The following PATJ variants were observed in gnomAD, a reference collection of about 807,000 sequenced individuals.
The protein encoded by PATJ is PATJ crumbs cell polarity complex component, also known as inaD-like protein.
PATJ carries 190 observed loss-of-function variants against 224.9 expected under a neutral mutation model. The observed-to-expected ratio is 0.84, with a 90% confidence interval of 0.75 to 0.95. The LOEUF (loss-of-function observed/expected upper bound fraction) is 0.95. PATJ is among the 40% of genes least tolerant of loss of function. The pLI is 0.00. For synonymous variants in PATJ, 769 were observed against 820.3 expected (o/e 0.94, Z 1.07); for missense variants, 2,121 against 2,270.3 (o/e 0.93, Z 1.34).
chr1:61,780,423 C>T (rs1182911999), intron 7 of PATJ, among the ~76,000 whole-genome samples: 1 of 152,126 alleles, frequency 6.6e-6, no homozygotes, highest in East Asian at 1.9e-4. Context: ...CAAGATCACG[C>T]CACAGCACTG....
intron 1 of PATJ, among the ~76,000 whole-genome samples, chr1:61,759,129 G>A (rs927506708): frequency 6.6e-6 from 1 of 152,200 alleles, no homozygotes. Flanking sequence ...CCCCAAGCTT[G>A]TCCAACCCAG....
At chr1:61,824,580 C>T (rs1218715635) in intron 15 of PATJ, among the ~76,000 whole-genome samples, 2 of 151,830 alleles carry the variant, frequency 1.3e-5, no homozygotes, top group African/African-American at 4.8e-5. Flanking sequence ...TGTGCGCCAC[C>T]ATGCCCTGCT....
intron 34 of PATJ, among the ~76,000 whole-genome samples, chr1:62,110,476 C>T (rs1053683680): frequency 6.6e-6 from 1 of 152,210 alleles, no homozygotes; most frequent in African/African-American, 2.4e-5. Flanking sequence ...ATTGGCCTTT[C>T]ATGGTTTTAA....
chr1:62,011,222 T>C (rs1162581360), intron 28 of PATJ, among the ~76,000 whole-genome samples: 2 of 152,250 alleles, frequency 1.3e-5, no homozygotes, highest in African/African-American at 4.8e-5. Flanking sequence ...CTTGGCTAAC[T>C]GGTGCAACAG....
In PATJ at chr1:62,144,769, A is replaced by ATATATATATATATATATATATATATATAT. The variant is rs1180544696; in HGVS notation, c.5272-3515_5272-3514insTATATATATATATATATATATATATATAT. On this transcript the variant is annotated intron_variant, in intron 41 of 43. Transcript: ENST00000642238. ...AAATGCTCTAGAATGTTATTTGCAAAAAAAAAAAATATATATATATATATA... is the reference window on the plus strand; with the variant it reads ...AAATGCTCTAGAATGTTATTTGCAAATATATATATATATATATATATATATATATAAAAAAAAATATATATATATATATA... Among the ~76,000 whole-genome samples, 27 of 58,694 alleles carry ATATATATATATATATATATATATATATAT rather than the reference A, an allele frequency of 4.6e-4. 2 individuals are homozygous for ATATATATATATATATATATATATATATAT. Among genetic ancestry groups the ATATATATATATATATATATATATATATAT allele is most frequent in the African/African-American group, 1.6e-3 (25 of 15,272 alleles). The allele number at this position is 58,694 out of a possible 152,430, so 38.5% of individuals were successfully genotyped here.
At chr1:61,850,853 G>A (rs1209598018) in intron 17 of PATJ, among the ~76,000 whole-genome samples, 1 of 152,196 alleles carries the variant, frequency 6.6e-6, no homozygotes, top group Non-Finnish European at 1.5e-5. Flanking sequence ...AAATAAATAA[G>A]ATTCTGAGAA....
At chr1:62,147,413 A>G (rs1365444941) in intron 41 of PATJ, among the ~76,000 whole-genome samples, 1 of 152,178 alleles carries the variant, frequency 6.6e-6, no homozygotes, top group Non-Finnish European at 1.5e-5. Flanking sequence ...TAATCCCAAC[A>G]CTTTGGGATA....
chr1:62,152,223 T>A (rs1668700448), intron 42 of PATJ, among the ~76,000 whole-genome samples: 1 of 152,122 alleles, frequency 6.6e-6, no homozygotes, highest in Non-Finnish European at 1.5e-5. Context: ...AAATGGAAAT[T>A]TGGACTCAAT....
At chr1:62,085,668 A>G (rs1412935699) in intron 33 of PATJ, among the ~76,000 whole-genome samples, 2 of 151,858 alleles carry the variant, frequency 1.3e-5, no homozygotes, top group African/African-American at 4.8e-5. Flanking sequence ...ATTTTTTTTA[A>G]ATTAGCAAGG....
At chr1:62,051,648 G>T (rs1303649385) in intron 31 of PATJ, among the ~76,000 whole-genome samples, 1 of 151,980 alleles carries the variant, frequency 6.6e-6, no homozygotes. Context: ...CTTTATATCT[G>T]GTTTAATATT....
chr1:62,161,325 CGATTTCTT>C lies in PATJ; in HGVS notation c.*272_*279del. ...TGTTTTGCATTTAATTTCAGTGTTC[CGATTTCTT>C]TTTTTTTTTTTTTTTTTTTTTTTGA... is the stretch of plus-strand genomic sequence containing the variant. On this transcript the variant is annotated 3_prime_UTR_variant, in exon 44 of 44. Transcript: ENST00000642238. 1 of 251,412 alleles carries C rather than the reference CGATTTCTT, an allele frequency of 4.0e-6. No homozygotes were observed. The highest frequency in any genetic ancestry group is 7.2e-6 in the Non-Finnish European group (1 of 139,674). The allele number at this position is 251,412 out of a possible 1,614,324, so 15.6% of individuals were successfully genotyped here. A position where few individuals can be genotyped will look rare whatever the true frequency, so the allele number is the denominator to read the frequency against.
At chr1:61,761,816 G>A (rs1439506872) in intron 1 of PATJ, among the ~76,000 whole-genome samples, 1 of 152,056 alleles carries the variant, frequency 6.6e-6, no homozygotes, top group Non-Finnish European at 1.5e-5. Context: ...CTCCTGAGCA[G>A]CTGGGACTAT....
At position 62,099,422 on chromosome 1, in the gene PATJ, G is replaced by A. The variant is rs148562181; in HGVS notation, c.4378-9015G>A. 9.6e-4 allele frequency among the ~76,000 whole-genome samples: 117 copies of A among 121,306 alleles called. 5 individuals are homozygous for A. In the East Asian group the frequency reaches 0.023, roughly 24 times the overall value. 79.6% of individuals were successfully genotyped at this position (121,306 alleles called of 152,430 possible). A position where few individuals can be genotyped will look rare whatever the true frequency, so the allele number is the denominator to read the frequency against. The stretch of plus-strand genomic sequence containing the variant: ...TGTTAGGAGGGACTTTTCCCCTAAT[G>A]CAGGGTAATAAGACATAACACTCTT... On this transcript the variant is annotated intron_variant, in intron 33 of 43. Transcript: ENST00000642238.
At chr1:62,005,024 T>C (rs1425319569) in intron 28 of PATJ, among the ~76,000 whole-genome samples, 1 of 152,248 alleles carries the variant, frequency 6.6e-6, no homozygotes, top group Non-Finnish European at 1.5e-5. Flanking sequence ...CAGTTTTCCA[T>C]TTATTGATAT....
intron 41 of PATJ, among the ~76,000 whole-genome samples, chr1:62,147,520 T>TGG (rs771621287): frequency 6.6e-6 from 1 of 152,084 alleles, no homozygotes; most frequent in Non-Finnish European, 1.5e-5. Context: ...TAGCCAGGGC[T>TGG]GGGCTTGGTG....
rs35986021 is a variant in PATJ, at chr1:62,050,120, CAAAAAAAA to C, written c.4033-835_4033-828del. Among the ~76,000 whole-genome samples, 3 of 95,216 alleles carry C rather than the reference CAAAAAAAA, an allele frequency of 3.2e-5. No individual in the cohort carries two copies. In the Admixed American group the frequency reaches 3.5e-4, roughly 11 times the overall value. The allele number at this position is 95,216 out of a possible 152,430, so 62.5% of individuals were successfully genotyped here. On this transcript the variant is annotated intron_variant, in intron 30 of 43. Transcript: ENST00000642238. Reference sequence around the variant, plus strand: ...GATAGAGTGAGACTGTCTGCCCCACCAAAAAAAAAAAAAAAAAATTCATTTATTAAATT... The same window carrying C: ...GATAGAGTGAGACTGTCTGCCCCACCAAAAAAAAAATTCATTTATTAAATT...
At chr1:62,125,275 C>CGCCATTAG (rs1665609936) in intron 39 of PATJ, among the ~76,000 whole-genome samples, 5 of 106,016 alleles carry the variant, frequency 4.7e-5, no homozygotes, top group Admixed American at 9.9e-5. Flanking sequence ...AAAAAAAAAA[C>CGCCATTAG]GCCATTAGCT....
chr1:62,081,063 A>G (rs1317098387), intron 32 of PATJ, among the ~76,000 whole-genome samples: 2 of 152,198 alleles, frequency 1.3e-5, no homozygotes, highest in Non-Finnish European at 2.9e-5. Context: ...TTTTCACACT[A>G]TAATGATGGA....
At chr1:61,760,197 A>T (rs1476222826) in intron 1 of PATJ, among the ~76,000 whole-genome samples, 1 of 152,110 alleles carries the variant, frequency 6.6e-6, no homozygotes, top group Non-Finnish European at 1.5e-5. Context: ...TGTTTTTTTG[A>T]TGCTCTATTC....
Sources: gnomAD v4.1 joint callset for allele counts (sites outside exome capture counted in the v4.1 genomes callset) on GRCh38, gnomAD v4.1.1 for gene constraint, MANE v1.5 for transcripts, NCBI Gene and HGNC (gene_info 2026-07-23, HGNC 2026-07-21) for gene names.